Variants in SDK1 observed in about 807,000 individuals in gnomAD.
The protein encoded by SDK1 is sidekick cell adhesion molecule 1, also known as protein sidekick-1.
In SDK1, 157 loss-of-function variants were observed where a neutral mutation model predicts 245.5. That is an observed-to-expected ratio of 0.64 (90% CI 0.56 to 0.73). The LOEUF (loss-of-function observed/expected upper bound fraction) is 0.73, where lower values mean the gene tolerates loss of function less well. SDK1 is among the 30% of genes least tolerant of loss of function. SDK1 has a pLI of 0.00. For synonymous variants in SDK1, 1,647 were observed against 1,278.5 expected (o/e 1.29, Z -6.15); for missense variants, 3,583 against 3,002.3 (o/e 1.19, Z -4.52).
intron 5 of SDK1, among the ~76,000 whole-genome samples, chr7:3,928,170 G>A (rs1044549914): frequency 8.5e-5 from 13 of 152,172 alleles, no homozygotes; most frequent in African/African-American, 1.4e-4. Context: ...AGAATTCTCC[G>A]TTAATATAAA....
chr7:3,754,205 G>C (rs28689669), intron 4 of SDK1, among the ~76,000 whole-genome samples: 1 of 152,114 alleles, frequency 6.6e-6, no homozygotes, highest in Non-Finnish European at 1.5e-5. Flanking sequence ...TTTTCATACA[G>C]TTGTCTTGCT....
At chr7:3,560,696 A>G (rs564496836) in intron 1 of SDK1, among the ~76,000 whole-genome samples, 1 of 152,210 alleles carries the variant, frequency 6.6e-6, no homozygotes, top group Admixed American at 6.5e-5. Context: ...GTGGCCACCC[A>G]TTTAAACAGA....
intron 4 of SDK1, among the ~76,000 whole-genome samples, chr7:3,771,075 G>A (rs1780394480): frequency 6.6e-6 from 1 of 152,098 alleles, no homozygotes; most frequent in Admixed American, 6.5e-5. Context: ...AGTCAAATAG[G>A]TGGCTCTGCT....
chr7:3,537,472 G>A (rs1395976601), intron 1 of SDK1, among the ~76,000 whole-genome samples: 2 of 152,086 alleles, frequency 1.3e-5, no homozygotes, highest in African/African-American at 4.8e-5. Flanking sequence ...GGGTTAGGTT[G>A]GACTGTAAAT....
At chr7:4,200,182 G>A (rs1266540334) in intron 35 of SDK1, among the ~76,000 whole-genome samples, 9 of 152,176 alleles carry the variant, frequency 5.9e-5, no homozygotes, top group Non-Finnish European at 1.5e-5. Flanking sequence ...CTGGGTGTGT[G>A]TAAAGACATG....
At chr7:3,697,259 G>T (rs982603136) in intron 4 of SDK1, among the ~76,000 whole-genome samples, 2 of 152,134 alleles carry the variant, frequency 1.3e-5, no homozygotes, top group Non-Finnish European at 2.9e-5. Context: ...TATAAGAAAA[G>T]CCAAGATATT....
chr7:4,119,450 G>A (rs748805240), intron 25 of SDK1, among the ~76,000 whole-genome samples: 1 of 148,088 alleles, frequency 6.8e-6, no homozygotes, highest in Non-Finnish European at 1.5e-5. Context: ...GCAAGACCCT[G>A]TCTCTAAAAA....
At chr7:3,509,754 C>G (rs377251286) in intron 1 of SDK1, among the ~76,000 whole-genome samples, 1 of 152,168 alleles carries the variant, frequency 6.6e-6, no homozygotes, top group African/African-American at 2.4e-5. Context: ...ACCTTCGGCC[C>G]TGCAGAGGAT....
In SDK1 at chr7:4,174,331, C is replaced by T. The variant is rs778359629; in HGVS notation, c.4910C>T (p.Pro1637Leu). The change falls in exon 33 of 45, where the codon CCT becomes CTT. Residue 1637 changes from proline (P) to leucine (L), a missense_variant. Pro to Leu is a moderately conservative substitution (Grantham distance 98). Transcript: ENST00000404826. The stretch of plus-strand genomic sequence containing the variant: ...ACTGAGGCCAAGACGCTCAAAAACC[C>T]TATAGCTTTACATGCTGAGCTCACA... ...SGTEAKTLKNPIALHAELTAQ... is the reference protein window; with the variant it reads ...SGTEAKTLKNLIALHAELTAQ... The T allele has an allele frequency of 6.2e-7, 1 of 1,613,902 alleles. No individual in the cohort carries two copies. Among genetic ancestry groups the T allele is most frequent in the Non-Finnish European group, 8.5e-7 (1 of 1,179,792 alleles).
chr7:3,860,965 C>T (rs1460131535), intron 5 of SDK1, among the ~76,000 whole-genome samples: 2 of 152,084 alleles, frequency 1.3e-5, no homozygotes, highest in Admixed American at 6.5e-5. Context: ...CCAAGGTTAC[C>T]GGGGTCTCAG....
At chr7:3,867,713 G>C (rs529510611) in intron 5 of SDK1, among the ~76,000 whole-genome samples, 41 of 152,312 alleles carry the variant, frequency 2.7e-4, no homozygotes, top group Admixed American at 6.5e-4. Context: ...GATGAGATTT[G>C]GGTGGGGACA....
intron 4 of SDK1, among the ~76,000 whole-genome samples, chr7:3,755,853 C>T (rs1414068698): frequency 6.6e-6 from 1 of 152,152 alleles, no homozygotes; most frequent in Non-Finnish European, 1.5e-5. Flanking sequence ...TGACTCCTTT[C>T]ACATGGCATA....
At chr7:4,174,807 C>T (rs1218346920) in intron 33 of SDK1, among the ~76,000 whole-genome samples, 1 of 152,092 alleles carries the variant, frequency 6.6e-6, no homozygotes, top group Non-Finnish European at 1.5e-5. Flanking sequence ...TGCACTGCGC[C>T]ATGATCGTTG....
chr7:3,733,295 A>G (rs1200530092), intron 4 of SDK1, among the ~76,000 whole-genome samples: 3 of 152,256 alleles, frequency 2.0e-5, no homozygotes, highest in African/African-American at 4.8e-5. Context: ...ACATGGAAAC[A>G]GATACTATAA....
At chr7:3,418,710 C>T (rs561182413) in intron 1 of SDK1, among the ~76,000 whole-genome samples, 13 of 152,198 alleles carry the variant, frequency 8.5e-5, no homozygotes, top group East Asian at 1.9e-4. Flanking sequence ...GCAGATACAT[C>T]GGCGATACTG....
chr7:4,080,875 A>T (rs929326455), intron 22 of SDK1, among the ~76,000 whole-genome samples: 2 of 152,182 alleles, frequency 1.3e-5, no homozygotes, highest in Non-Finnish European at 2.9e-5. Flanking sequence ...AAATTACAAT[A>T]AAAAAAGAAA....
intron 1 of SDK1, among the ~76,000 whole-genome samples, chr7:3,537,441 T>C (rs1442836349): frequency 6.6e-6 from 1 of 152,178 alleles, no homozygotes; most frequent in African/African-American, 2.4e-5. Context: ...GGCCCCCGAC[T>C]GGAAATCCGC....
At chr7:3,811,703 G>T (rs1779388183) in intron 4 of SDK1, among the ~76,000 whole-genome samples, 1 of 152,166 alleles carries the variant, frequency 6.6e-6, no homozygotes, top group East Asian at 1.9e-4. Context: ...TGGATGTGCT[G>T]CCTGGCCGTG....
chr7:3,597,368 A>G (rs1207472611), intron 1 of SDK1, among the ~76,000 whole-genome samples: 1 of 151,900 alleles, frequency 6.6e-6, no homozygotes, highest in Non-Finnish European at 1.5e-5. Context: ...CTTTTGGTCA[A>G]CTTCTCCATT....
Sources: allele counts gnomAD v4.1 joint callset (sites outside exome capture counted in the v4.1 genomes callset), GRCh38; gene constraint gnomAD v4.1.1; transcripts MANE v1.5; gene names NCBI Gene and HGNC (gene_info 2026-07-23, HGNC 2026-07-21).